The following BRF1 variants were observed in gnomAD, a reference collection of about 807,000 sequenced individuals.
BRF1 encodes transcription factor IIIB 90 kDa subunit.
Under a neutral mutation model 81.7 loss-of-function variants are expected in BRF1, and 59 were observed. The observed-to-expected ratio is 0.72, with a 90% CI of 0.59 to 0.90. The LOEUF (loss-of-function observed/expected upper bound fraction) is 0.90, where lower values mean the gene tolerates loss of function less well. Ranked by LOEUF, BRF1 falls within the 40% of genes least tolerant of loss-of-function variation. The probability of loss-of-function intolerance (pLI) is 0.00; values close to 1 mark genes in which losing one functional copy is unlikely to be tolerated. For synonymous variants in BRF1, 491 were observed against 395.6 expected (o/e 1.24, Z -2.86); for missense variants, 1,050 against 936.3 (o/e 1.12, Z -1.58).
intron 2 of BRF1, among the ~76,000 whole-genome samples, chr14:105,279,212 C>CA (rs996784696): frequency 2.4e-4 from 34 of 143,324 alleles, no homozygotes; most frequent in African/African-American, 5.6e-4. Flanking sequence ...GACCCAGTCT[C>CA]AAAAAAAAAA....
rs1891838792 is a variant in BRF1 at position 105,219,200 on chromosome 14, C to T, written c.1410G>A (p.Lys470=). 1 of 1,612,746 alleles carries T rather than the reference C, an allele frequency of 6.2e-7. No individual in the cohort carries two copies. Among genetic ancestry groups the T allele is most frequent in the Non-Finnish European group, 8.5e-7 (1 of 1,179,082 alleles). The change falls in exon 13 of 18, where the codon AAG becomes AAA. Residue 470 remains lysine (K), a synonymous_variant. Transcript: ENST00000547530. ...YILNESEARV[K]AELWMRENAE... ...CGTTCTCCCTCATCCACAGCTCGGC[C>T]TTCACGCGGGCTTCCGACTCATTCA...
At position 105,210,631 on chromosome 14, in the gene BRF1, C is replaced by T. The variant is rs775653672; in HGVS notation, c.1997-43G>A. On this transcript the variant is annotated intron_variant, in intron 17 of 17. Coordinates refer to ENST00000547530, the MANE Select transcript of BRF1 (RefSeq NM_001519.4). This position sits in a 1 kb window ranked among gnomAD's most constrained non-coding sequence, Gnocchi z 4.7. ...CATGAAGCCCAGGGTCTCTGTGGGA[C>T]CCAGGAGCCCAGACCCCCCAACCCG... 11 of 1,604,864 alleles carry T rather than the reference C, an allele frequency of 6.9e-6. No individual in the cohort carries two copies. The highest frequency in any genetic ancestry group is 1.7e-5 in the Admixed American group (1 of 59,814).
At chr14:105,228,990 T>A (rs2054266241) in intron 6 of BRF1, 77 bp from the exon 7 acceptor site, 1 of 1,327,360 alleles carries the variant, frequency 7.5e-7, no homozygotes, top group African/African-American at 1.4e-5. Context: ...AGGACAACAC[T>A]GCGGATCCCG....
Position 105,217,796 on chromosome 14 carries a change from T to C in BRF1, c.1520A>G (p.Lys507Arg), listed in dbSNP as rs776839032. 1.4e-5 allele frequency: 23 copies of C among 1,610,920 alleles called. No homozygotes were observed. In the South Asian group the frequency reaches 2.2e-4, roughly 15 times the overall value. Residue 507 changes from lysine to arginine, a missense_variant, in exon 15 of 18, where the codon AAG (lysine) becomes AGG (arginine). By Grantham distance (26) the Lys-to-Arg change is conservative (BLOSUM62 2). Around this residue, in one of 2 missense-constraint regions of BRF1, gnomAD observed 1,043 missense variants for 915.4 expected, o/e 1.14. Coordinates refer to ENST00000547530, the MANE Select transcript of BRF1 (RefSeq NM_001519.4). ...TGGCTCCCGTCGCTTGCAAGACTTC[T>C]TGGGCTTGAGGGAAACAAGCAAGAA... Reference protein sequence around the residue: ...ELGIYKEHKPKKSCKRREPIQ... With the variant: ...ELGIYKEHKPRKSCKRREPIQ...
intron 15 of BRF1, chr14:105,217,253 G>C (rs779423329): frequency 1.9e-6 from 1 of 529,908 alleles, no homozygotes; most frequent in South Asian, 2.5e-5. Context: ...AGAAGGCACC[G>C]ACCCCACGGA....
At chr14:105,251,590 T>C (rs587704541) in intron 5 of BRF1, among the ~76,000 whole-genome samples, 1 of 152,278 alleles carries the variant, frequency 6.6e-6, no homozygotes, top group South Asian at 2.1e-4. Context: ...GGAGAGGGCA[T>C]GGGCCGAGTG....
At chr14:105,247,444 G>A (rs1340890536) in intron 5 of BRF1, 3 of 985,280 alleles carry the variant, frequency 3.0e-6, no homozygotes, top group African/African-American at 3.5e-5. Context: ...TCCTTTGCCC[G>A]TTTTTTAAAA....
intron 5 of BRF1, among the ~76,000 whole-genome samples, chr14:105,243,285 C>A (rs374355364): frequency 5.8e-4 from 74 of 127,662 alleles, no homozygotes; most frequent in South Asian, 9.8e-4. Flanking sequence ...TACTAAAATA[C>A]AAAAAAAAAA....
intron 1 of BRF1, among the ~76,000 whole-genome samples, chr14:105,296,883 C>T (rs1275117518): frequency 2.0e-5 from 3 of 152,114 alleles, no homozygotes; most frequent in African/African-American, 7.2e-5. Flanking sequence ...GGGCCAGGCA[C>T]GGCAGCTCAT....
intron 4 of BRF1, among the ~76,000 whole-genome samples, chr14:105,255,693 G>A (rs2055833466): frequency 6.6e-6 from 1 of 152,230 alleles, no homozygotes; most frequent in Admixed American, 6.5e-5. Context: ...CTGCACAGGG[G>A]TCCCTGGGGT....
chr14:105,211,485 C>G (rs775236933), intron 16 of BRF1, 192 bp from the exon 17 acceptor site: 2 of 577,076 alleles, frequency 3.5e-6, no homozygotes, highest in Non-Finnish European at 6.0e-6. Flanking sequence ...TGAGCTGTGT[C>G]AGCATCAAGA....
intron 3 of BRF1, among the ~76,000 whole-genome samples, chr14:105,258,345 C>T (rs1033375740): frequency 4.6e-5 from 7 of 151,258 alleles, no homozygotes; most frequent in Non-Finnish European, 8.8e-5. Flanking sequence ...AAAAATTAGC[C>T]GGGCGTGTTG....
chr14:105,219,440 C>T (rs1046043872), intron 12 of BRF1: 50 of 1,114,598 alleles, frequency 4.5e-5, no homozygotes, highest in Admixed American at 2.8e-5. Context: ...AGGCCAACCA[C>T]GCAGGCCACA....
chr14:105,249,337 ACGG>A, intron 5 of BRF1: 1 of 1,603,426 alleles, frequency 6.2e-7, no homozygotes, highest in Non-Finnish European at 8.5e-7. Flanking sequence ...AGCCAGGCTC[ACGG>A]CGGCGCTTTC....
chr14:105,287,515 C>G (rs2057360292), intron 1 of BRF1, among the ~76,000 whole-genome samples: 1 of 152,206 alleles, frequency 6.6e-6, no homozygotes, highest in African/African-American at 2.4e-5. Flanking sequence ...TCGGGACGCG[C>G]AGACAACCTT....
intron 5 of BRF1, chr14:105,248,355 A>G: frequency 1.0e-6 from 1 of 985,476 alleles, no homozygotes; most frequent in African/African-American, 1.7e-5. Flanking sequence ...GCACCTGCGC[A>G]TGGCACTGCG....
Position 105,211,122 on chromosome 14 carries a change from C to T in BRF1, c.1996G>A (p.Asp666Asn), listed in dbSNP as rs1370314500. The T allele has an allele frequency of 2.5e-6, 4 of 1,612,354 alleles. No homozygotes were observed. The highest frequency in any genetic ancestry group is 1.3e-5 in the African/African-American group (1 of 74,998). The change falls in exon 17 of 18, where the codon GAC becomes AAC. Residue 666 changes from aspartate (D) to asparagine (N), a missense_variant and splice_region_variant. Asp to Asn is a conservative substitution (Grantham distance 23, BLOSUM62 1). This residue lies in a region of BRF1 where 1,043 missense variants were observed against 915.4 expected (regional missense o/e 1.14). Transcript: ENST00000547530. ...CTCCCTGTTGTCGGGCCCCACCCACCGTTGCTGCCCATCATCTGCAGGGCA... is the reference window on the plus strand; with the variant it reads ...CTCCCTGTTGTCGGGCCCCACCCACTGTTGCTGCCCATCATCTGCAGGGCA... ...VSALQMMGSN[D>N]YGCDGDEDDG... is the part of the protein sequence containing the mutation.
intron 6 of BRF1, among the ~76,000 whole-genome samples, chr14:105,229,579 C>G (rs1019292291): frequency 5.9e-5 from 9 of 152,226 alleles, no homozygotes; most frequent in Non-Finnish European, 1.2e-4. Context: ...AAGTGAGAGT[C>G]TGAGTGACAG....
chr14:105,308,990 A>G (rs1298390125), intron 1 of BRF1, among the ~76,000 whole-genome samples: 1 of 152,064 alleles, frequency 6.6e-6, no homozygotes, highest in African/African-American at 2.4e-5. Context: ...AAAAGAAAAA[A>G]AAAGAAAAAG....
Sources: allele counts gnomAD v4.1 joint callset (sites outside exome capture counted in the v4.1 genomes callset), GRCh38; gene constraint gnomAD v4.1.1; regional missense constraint gnomAD v4.1.1; non-coding constraint Gnocchi (gnomAD v3.1); transcripts MANE v1.5; gene names NCBI Gene and HGNC (gene_info 2026-07-23, HGNC 2026-07-21).